SLCO4C1: variants seen among roughly 807,000 people sequenced by gnomAD.
SLCO4C1 encodes organic anion transporter M1.
SLCO4C1 carries 58 observed loss-of-function variants against 72.1 expected under a neutral mutation model. That is an observed-to-expected ratio of 0.80 (90% CI 0.65 to 1.00). SLCO4C1 has a LOEUF of 1.00. Among genes scored for constraint, SLCO4C1 ranks in the 50% least tolerant of loss-of-function variants. The probability of loss-of-function intolerance (pLI) is 0.00; values close to 1 mark genes in which losing one functional copy is unlikely to be tolerated. For synonymous variants in SLCO4C1, 297 were observed against 312.5 expected, an observed-to-expected ratio of 0.95 and a Z score of 0.52; for missense variants, 898 against 857.9, an observed-to-expected ratio of 1.05 and a Z score of -0.58.
At chr5:102,278,277 A>C (rs1749286788) in intron 2 of SLCO4C1, among the ~76,000 whole-genome samples, 1 of 152,198 alleles carries the variant, frequency 6.6e-6, no homozygotes, top group Non-Finnish European at 1.5e-5. Context: ...GACATTACAT[A>C]ATGAAAAAAT....
chr5:102,241,882 C>T (rs941830499), intron 10 of SLCO4C1, among the ~76,000 whole-genome samples: 2 of 151,922 alleles, frequency 1.3e-5, no homozygotes, highest in African/African-American at 4.8e-5. Context: ...TAACAAGAAT[C>T]AAAAGTCAGG....
intron 10 of SLCO4C1, among the ~76,000 whole-genome samples, chr5:102,242,376 GTCCTGGTATTAC>G (rs1490771776): frequency 6.6e-6 from 1 of 152,174 alleles, no homozygotes. Flanking sequence ...AGACAATGGA[GTCCTGGTATTAC>G]TCCTCCACTA....
chr5:102,247,397 A>T lies in SLCO4C1; in HGVS notation c.1666T>A (p.Ser556Thr). 6.3e-7 allele frequency: 1 copy of T among 1,589,646 alleles called. No homozygotes were observed. Among genetic ancestry groups the T allele is most frequent in the Non-Finnish European group, 8.6e-7 (1 of 1,162,042 alleles). Residue 556 changes from serine to threonine, a missense_variant, in exon 10 of 13, where the codon TCC (serine) becomes ACC (threonine). By Grantham distance (58) the Ser-to-Thr change is moderately conservative. Coordinates refer to ENST00000310954, the MANE Select transcript of SLCO4C1 (RefSeq NM_180991.5). The part of the protein sequence containing the change: ...SCIERKTEIT[S>T]TAETFGFEAK... ...TCAAAACCAAAAGTTTCTGCAGTGG[A>T]TGTTATTTCTGTTTTCCTTTCAATA...
intron 1 of SLCO4C1, among the ~76,000 whole-genome samples, chr5:102,295,666 A>C (rs1749635855): frequency 6.6e-6 from 1 of 152,226 alleles, no homozygotes; most frequent in African/African-American, 2.4e-5. Context: ...CACAAAAGAG[A>C]AAAAGGCTTG....
intron 4 of SLCO4C1, among the ~76,000 whole-genome samples, chr5:102,262,595 C>T (rs926772785): frequency 6.6e-6 from 1 of 152,170 alleles, no homozygotes; most frequent in Admixed American, 6.5e-5. Context: ...ATTTTAGCCT[C>T]CCAAGTAGCT....
At chr5:102,277,428 C>T (rs949907948) in intron 2 of SLCO4C1, among the ~76,000 whole-genome samples, 1 of 152,136 alleles carries the variant, frequency 6.6e-6, no homozygotes, top group African/African-American at 2.4e-5. Flanking sequence ...AGCACCCCCA[C>T]TCCCTCTCTG....
rs151106218 is a variant in SLCO4C1 at position 102,239,346 on chromosome 5, C to T, written c.1919G>A (p.Ser640Asn). The change falls in exon 12 of 13, where the codon AGC (serine) becomes AAC (asparagine). Residue 640 changes from serine (S) to asparagine (N), a missense_variant. Ser to Asn is a conservative substitution (Grantham distance 46). Coordinates refer to ENST00000310954, the MANE Select transcript of SLCO4C1 (RefSeq NM_180991.5). ...ATTTATATCCCAAAGAATACATGTG[C>T]TGTCTATTGTGAAACCAAATATAAT... is the stretch of plus-strand genomic sequence containing the variant. Reference protein sequence around the residue: ...GPIIFGFTIDSTCILWDINDC... With the variant: ...GPIIFGFTIDNTCILWDINDC... The T allele has an allele frequency of 2.3e-5, 37 of 1,600,860 alleles. No individual in the cohort carries two copies. Among genetic ancestry groups the T allele is most frequent in the Middle Eastern group, 3.3e-4 (2 of 6,048 alleles).
rs1408411052 is a variant in SLCO4C1 at position 102,291,342 on chromosome 5, C to G, written c.619+1G>C. On this transcript the variant is annotated splice_donor_variant, in intron 2 of 12. Coordinates refer to ENST00000310954, the MANE Select transcript of SLCO4C1 (RefSeq NM_180991.5). LOFTEE classifies it high-confidence loss of function. ...CAAACATAAACACAATAGAAACTTA[C>G]CTTCAAAAAGAGACCCCAATTTATA... 5 of 1,609,852 alleles carry G rather than the reference C, an allele frequency of 3.1e-6. No individual in the cohort carries two copies. In the African/African-American group the frequency reaches 6.7e-5, roughly 22 times the overall value.
intron 8 of SLCO4C1, among the ~76,000 whole-genome samples, chr5:102,252,144 G>T (rs1041632692): frequency 2.6e-5 from 4 of 151,514 alleles, no homozygotes; most frequent in African/African-American, 9.7e-5. Context: ...AAAAGGAAGG[G>T]AAGAAGGGAG....
At chr5:102,267,359 G>T (rs1749060209) in intron 3 of SLCO4C1, among the ~76,000 whole-genome samples, 4 of 152,066 alleles carry the variant, frequency 2.6e-5, no homozygotes, top group Admixed American at 2.6e-4. Flanking sequence ...TTGGTAGGTT[G>T]TATGTGCCTA....
At chr5:102,266,479 G>C (rs1054455974) in intron 3 of SLCO4C1, among the ~76,000 whole-genome samples, 1 of 152,006 alleles carries the variant, frequency 6.6e-6, no homozygotes, top group Non-Finnish European at 1.5e-5. Context: ...GTGAAACCCT[G>C]TCTCTACTAA....
intron 3 of SLCO4C1, among the ~76,000 whole-genome samples, chr5:102,269,252 G>A (rs1239970016): frequency 6.6e-6 from 1 of 152,000 alleles, no homozygotes; most frequent in Non-Finnish European, 1.5e-5. Flanking sequence ...TTCATTATAT[G>A]GATTTTCTAT....
chr5:102,258,832 A>G (rs79983546), intron 6 of SLCO4C1, among the ~76,000 whole-genome samples: 3,248 of 152,090 alleles, frequency 0.021, 122 homozygotes, highest in African/African-American at 0.075. Context: ...ATAGACTGAC[A>G]AAAGGAGGAA....
In SLCO4C1 at chr5:102,234,227, AT is replaced by A. The variant is rs562800351; in HGVS notation, c.*2630del. Reference sequence around the variant, plus strand: ...AATTATGTACACAATTACAATGTCAATTTATAAGTCAAGCTTACTTAACAAT... The same window carrying A: ...AATTATGTACACAATTACAATGTCAATTATAAGTCAAGCTTACTTAACAAT... On this transcript the variant is annotated 3_prime_UTR_variant, in exon 13 of 13. Transcript: ENST00000310954. The A allele has an allele frequency of 8.5e-5, 13 of 152,752 alleles. No homozygotes were observed. The highest frequency in any genetic ancestry group is 3.1e-4 in the African/African-American group (13 of 41,596). The allele number at this position is 152,752 out of a possible 1,614,324, so 9.5% of individuals were successfully genotyped here. A position where few individuals can be genotyped will look rare whatever the true frequency, so the allele number is the denominator to read the frequency against.
At chr5:102,282,377 G>A (rs535374428) in intron 2 of SLCO4C1, among the ~76,000 whole-genome samples, 4 of 151,978 alleles carry the variant, frequency 2.6e-5, no homozygotes, top group African/African-American at 9.6e-5. Context: ...CGACAATTCC[G>A]AAGCTGTTTT....
At chr5:102,279,092 G>C (rs2112387486) in intron 2 of SLCO4C1, among the ~76,000 whole-genome samples, 1 of 151,944 alleles carries the variant, frequency 6.6e-6, no homozygotes, top group East Asian at 1.9e-4. Context: ...CATCTAGCAA[G>C]ACTGACAAAG....
intron 2 of SLCO4C1, among the ~76,000 whole-genome samples, chr5:102,284,526 A>C (rs191460929): frequency 2.4e-4 from 37 of 152,324 alleles, no homozygotes; most frequent in African/African-American, 8.4e-4. Flanking sequence ...GACAAGTATA[A>C]CAACGGAGCC....
rs202214957 is a variant in SLCO4C1, at chr5:102,296,139, C to T, written c.124G>A (p.Glu42Lys). 6 of 1,614,116 alleles carry T rather than the reference C, an allele frequency of 3.7e-6. No individual in the cohort carries two copies. Among genetic ancestry groups the T allele is most frequent in the East Asian group, 2.2e-5 (1 of 44,872 alleles). ...VSALSSDPQRENSQPQELQKP... is the reference protein window; with the variant it reads ...VSALSSDPQRKNSQPQELQKP... ...TGAAGCTCCTGTGGCTGAGAATTCTCTCTTTGGGGGTCAGAGGACAAGGCA... is the reference window on the plus strand; with the variant it reads ...TGAAGCTCCTGTGGCTGAGAATTCTTTCTTTGGGGGTCAGAGGACAAGGCA... Residue 42 changes from glutamate to lysine, a missense_variant, in exon 1 of 13, where the codon GAG (glutamate) becomes AAG (lysine). Glu to Lys is a moderately conservative substitution (Grantham distance 56). Transcript: ENST00000310954.
chr5:102,244,353 A>T (rs542871009), intron 10 of SLCO4C1, among the ~76,000 whole-genome samples: 5 of 152,312 alleles, frequency 3.3e-5, no homozygotes, highest in African/African-American at 1.2e-4. Flanking sequence ...AGACAAAAGA[A>T]AAAAGAATAA....
Sources: allele counts gnomAD v4.1 joint callset (sites outside exome capture counted in the v4.1 genomes callset), GRCh38; gene constraint gnomAD v4.1.1; transcripts MANE v1.5; gene names NCBI Gene and HGNC (gene_info 2026-07-23, HGNC 2026-07-21).